KCNQ1: variants seen among roughly 807,000 people sequenced by gnomAD.
The protein encoded by KCNQ1 is potassium voltage-gated channel subfamily Q member 1.
Under a neutral mutation model 72.4 loss-of-function variants are expected in KCNQ1, and 49 were observed. The ratio of observed to expected loss-of-function variants is 0.68; its 90% CI spans 0.54 to 0.86. The LOEUF (loss-of-function observed/expected upper bound fraction) is 0.86, where lower values mean the gene tolerates loss of function less well. Ranked by LOEUF, KCNQ1 falls within the 40% of genes least tolerant of loss-of-function variation. KCNQ1 has a pLI of 0.00. For missense variants in KCNQ1, 790 were observed against 945.1 expected (o/e 0.84, Z 2.15); for synonymous variants, 450 against 412.6 (o/e 1.09, Z -1.10).
intron 1 of KCNQ1, among the ~76,000 whole-genome samples, chr11:2,456,704 C>G (rs58807875): frequency 0.18 from 25,938 of 144,588 alleles, 3,047 homozygotes; most frequent in East Asian, 0.36. Flanking sequence ...GGCAGATCAC[C>G]AGGTCAGGAG....
intron 15 of KCNQ1, among the ~76,000 whole-genome samples, chr11:2,805,616 T>C (rs1847355298): frequency 6.6e-6 from 1 of 152,040 alleles, no homozygotes; most frequent in Admixed American, 6.5e-5. Flanking sequence ...CAGAGTTGAG[T>C]CGTTGTAACA....
chr11:2,836,338 G>A (rs1848065557), intron 15 of KCNQ1, among the ~76,000 whole-genome samples: 1 of 152,206 alleles, frequency 6.6e-6, no homozygotes, highest in Non-Finnish European at 1.5e-5. Flanking sequence ...GGTGCAGGGA[G>A]GCCCATCTGT....
chr11:2,713,439 CCA>C lies in KCNQ1; in HGVS notation c.1514+51359_1514+51360del, dbSNP rs1326327953. Reference sequence around the variant, plus strand: ...AGCTACAGAAATGGTTTCTTCTCCCCCAGATTCCAGAACAAGTCACAGCCATT... The same window carrying C: ...AGCTACAGAAATGGTTTCTTCTCCCCGATTCCAGAACAAGTCACAGCCATT... On this transcript the variant is annotated intron_variant, in intron 11 of 15. Transcript: ENST00000155840. The surrounding 1 kb of genome is among the most constrained non-coding windows in gnomAD (Gnocchi z 5.6). Among the ~76,000 whole-genome samples, 1 of 152,198 alleles carries C rather than the reference CCA, an allele frequency of 6.6e-6. No homozygotes were observed. The highest frequency in any genetic ancestry group is 2.4e-5 in the African/African-American group (1 of 41,442).
chr11:2,722,008 G>A (rs776514506), intron 11 of KCNQ1, among the ~76,000 whole-genome samples: 2 of 152,196 alleles, frequency 1.3e-5, no homozygotes, highest in Admixed American at 1.3e-4. Flanking sequence ...CCCCTGGGAG[G>A]CACATGCCGA....
rs28770909 is a variant in KCNQ1, at chr11:2,544,385, C to T, written c.477+16367C>T. Among the ~76,000 whole-genome samples, 44,074 of 113,358 alleles carry T rather than the reference C, an allele frequency of 0.39. 8,185 individuals carry two copies. The highest frequency in any genetic ancestry group is 0.62 in the African/African-American group (21,133 of 34,046). The allele number at this position is 113,358 out of a possible 152,430, so 74.4% of individuals were successfully genotyped here. ...ATATATATGTGTATATATATGTGTG[C>T]ATATATGTGTATATATGTGTGTGTA... On this transcript the variant is annotated intron_variant, in intron 2 of 15. Coordinates refer to ENST00000155840, the MANE Select transcript of KCNQ1 (RefSeq NM_000218.3). This position sits in a 1 kb window ranked among gnomAD's most constrained non-coding sequence, Gnocchi z 4.4.
At position 2,457,906 on chromosome 11, in the gene KCNQ1, A is replaced by G. The variant is rs1182290235; in HGVS notation, c.386+12422A>G. ...TGAGGACTATCAGTATGCATCCAGG[A>G]TGACGTTTACTTAAATATCTCTGTT... is the stretch of plus-strand genomic sequence containing the variant. On this transcript the variant is annotated intron_variant, in intron 1 of 15. Transcript: ENST00000155840. The surrounding 1 kb of genome is among the most constrained non-coding windows in gnomAD (Gnocchi z 5.0). 1.3e-5 allele frequency among the ~76,000 whole-genome samples: 2 copies of G among 151,970 alleles called. No homozygotes were observed. The highest frequency in any genetic ancestry group is 4.8e-5 in the African/African-American group (2 of 41,364).
chr11:2,666,473 G>T (rs779582430), intron 11 of KCNQ1: 1 of 398,528 alleles, frequency 2.5e-6, no homozygotes, highest in African/African-American at 2.1e-5. Flanking sequence ...AGAATCTCAC[G>T]CCAAGACATT....
intron 2 of KCNQ1, among the ~76,000 whole-genome samples, chr11:2,535,039 C>G (rs1447323514): frequency 6.6e-6 from 1 of 152,220 alleles, no homozygotes; most frequent in Non-Finnish European, 1.5e-5. Context: ...TGCACAGCCC[C>G]CAGGGCACGG....
chr11:2,500,952 C>T (rs1423339840), intron 1 of KCNQ1, among the ~76,000 whole-genome samples: 1 of 152,072 alleles, frequency 6.6e-6, no homozygotes, highest in Non-Finnish European at 1.5e-5. Flanking sequence ...CAGCAAACCA[C>T]CATGGCACGT....
chr11:2,664,815 A>T lies in KCNQ1; in HGVS notation c.1514+2734A>T, dbSNP rs1035064453. ...CCAAAAAACATTTCCATTTTTCTTC[A>T]GCATTCTACTGATGTTAAATGTATT... On this transcript the variant is annotated intron_variant, in intron 11 of 15. Coordinates refer to ENST00000155840, the MANE Select transcript of KCNQ1 (RefSeq NM_000218.3). The surrounding 1 kb of genome is among the most constrained non-coding windows in gnomAD (Gnocchi z 5.1). 6 of 398,578 alleles carry T rather than the reference A, an allele frequency of 1.5e-5. No individual in the cohort carries two copies. Among genetic ancestry groups the T allele is most frequent in the African/African-American group, 2.1e-5 (1 of 48,610 alleles). 24.7% of individuals were successfully genotyped at this position (398,578 alleles called of 1,614,324 possible).
rs757510582 is a variant in KCNQ1 at position 2,570,619 on chromosome 11, T to A, written c.478-9T>A. The A allele has an allele frequency of 6.2e-7, 1 of 1,612,202 alleles. No homozygotes were observed. Among genetic ancestry groups the A allele is most frequent in the Non-Finnish European group, 8.5e-7 (1 of 1,179,964 alleles). On this transcript the variant is annotated splice_polypyrimidine_tract_variant and intron_variant, in intron 2 of 15. Transcript: ENST00000155840. ...TGCCTGCAGTGAGCGTCCCACTCTG[T>A]CCCTGCAGGAGATCGTGCTGGTGGT...
chr11:2,504,461 ATAAC>A (rs1236887998), intron 1 of KCNQ1, among the ~76,000 whole-genome samples: 4 of 152,228 alleles, frequency 2.6e-5, no homozygotes, highest in Non-Finnish European at 4.4e-5. Flanking sequence ...ACATTTAAAA[ATAAC>A]TAAAAGAGAG....
chr11:2,663,223 G>A lies in KCNQ1; in HGVS notation c.1514+1142G>A. On this transcript the variant is annotated intron_variant, in intron 11 of 15. Transcript: ENST00000155840. The surrounding 1 kb of genome is among the most constrained non-coding windows in gnomAD (Gnocchi z 5.2). ...GGGTAGGGTGTGAAGAGGCTCCAAGGGAGCCAGCAGATCACTGGAAAGCAG... is the reference window on the plus strand; with the variant it reads ...GGGTAGGGTGTGAAGAGGCTCCAAGAGAGCCAGCAGATCACTGGAAAGCAG... 5.0e-6 allele frequency: 2 copies of A among 398,722 alleles called. No individual in the cohort carries two copies. Among genetic ancestry groups the A allele is most frequent in the Non-Finnish European group, 4.4e-6 (1 of 226,160 alleles). 24.7% of individuals were successfully genotyped at this position (398,722 alleles called of 1,614,324 possible).
Position 2,759,546 on chromosome 11 carries a change from G to T in KCNQ1, c.1515-9298G>T, listed in dbSNP as rs1000052898. Among the ~76,000 whole-genome samples, 1 of 152,214 alleles carries T rather than the reference G, an allele frequency of 6.6e-6. No homozygotes were observed. Among genetic ancestry groups the T allele is most frequent in the Admixed American group, 6.5e-5 (1 of 15,282 alleles). ...ACGCACAGGTGTGGGACCTCACTGC[G>T]CGGGAGGGAGTTGCAAAGAGCGACA... On this transcript the variant is annotated intron_variant, in intron 11 of 15. Transcript: ENST00000155840. The surrounding 1 kb of genome is among the most constrained non-coding windows in gnomAD (Gnocchi z 4.4).
chr11:2,767,754 C>A lies in KCNQ1; in HGVS notation c.1515-1090C>A, dbSNP rs557536503. ...TACTGAGTACTCTGCTTAGCTTTTA[C>A]CCCTTCAGCAACTGCTTTTTGCTCA... On this transcript the variant is annotated intron_variant, in intron 11 of 15. Transcript: ENST00000155840. This position sits in a 1 kb window ranked among gnomAD's most constrained non-coding sequence, Gnocchi z 4.6. 1.2e-4 allele frequency among the ~76,000 whole-genome samples: 18 copies of A among 152,228 alleles called. No individual in the cohort carries two copies. The highest frequency in any genetic ancestry group is 2.4e-4 in the Non-Finnish European group (16 of 68,042).
Position 2,673,572 on chromosome 11 carries a change from A to C in KCNQ1, c.1514+11491A>C. 2.5e-6 allele frequency: 1 copy of C among 398,686 alleles called. No individual in the cohort carries two copies. Among genetic ancestry groups the C allele is most frequent in the Non-Finnish European group, 4.4e-6 (1 of 226,116 alleles). 24.7% of individuals were successfully genotyped at this position (398,686 alleles called of 1,614,324 possible). Reference sequence around the variant, plus strand: ...CCCTCCCTGGCCATGCAGGTGGAAGACCCTATTACTTGGGCTAAAGAGAAG... The same window carrying C: ...CCCTCCCTGGCCATGCAGGTGGAAGCCCCTATTACTTGGGCTAAAGAGAAG... On this transcript the variant is annotated intron_variant, in intron 11 of 15. Transcript: ENST00000155840. The surrounding 1 kb of genome is among the most constrained non-coding windows in gnomAD (Gnocchi z 4.5).
At chr11:2,729,844 ACAGG>A (rs1845823616) in intron 11 of KCNQ1, among the ~76,000 whole-genome samples, 1 of 152,096 alleles carries the variant, frequency 6.6e-6, no homozygotes, top group Non-Finnish European at 1.5e-5. Flanking sequence ...GAAAACAAAG[ACAGG>A]CAGGGCTGGT....
At chr11:2,775,417 G>A (rs1025502038) in intron 12 of KCNQ1, among the ~76,000 whole-genome samples, 6 of 152,370 alleles carry the variant, frequency 3.9e-5, no homozygotes, top group Admixed American at 2.6e-4. Context: ...GGCTAAGGCC[G>A]TCATCTGGGG....
intron 11 of KCNQ1, among the ~76,000 whole-genome samples, chr11:2,705,313 T>C (rs1303357563): frequency 6.6e-6 from 1 of 152,080 alleles, no homozygotes; most frequent in Admixed American, 6.5e-5. Context: ...TGTGGGCCAG[T>C]TCCCATTGGG....
Sources: gnomAD v4.1 joint callset for allele counts (sites outside exome capture counted in the v4.1 genomes callset) on GRCh38, gnomAD v4.1.1 for gene constraint, Gnocchi (gnomAD v3.1) non-coding constraint, MANE v1.5 for transcripts, NCBI Gene and HGNC (gene_info 2026-07-23, HGNC 2026-07-21) for gene names.